The following SLC25A48 variants were observed in gnomAD, a reference collection of about 807,000 sequenced individuals.
SLC25A48 encodes the protein solute carrier family 25 member 48.
SLC25A48 carries 29 observed loss-of-function variants against 32.2 expected under a neutral mutation model. The observed-to-expected ratio is 0.90, with a 90% confidence interval of 0.67 to 1.23. The LOEUF is 1.23. Ranked by LOEUF, SLC25A48 falls within the 50% of genes most tolerant of loss-of-function variation. The pLI, the probability that SLC25A48 is intolerant of heterozygous loss-of-function variation, is 0.00. For synonymous variants in SLC25A48, 164 were observed against 172.3 expected, an observed-to-expected ratio of 0.95 and a Z score of 0.38; for missense variants, 399 against 422.7, an observed-to-expected ratio of 0.94 and a Z score of 0.49.
At chr5:135,692,209 T>G (rs1754161810) in intron 3 of SLC25A48, among the ~76,000 whole-genome samples, 1 of 151,494 alleles carries the variant, frequency 6.6e-6, no homozygotes, top group Admixed American at 6.6e-5. Flanking sequence ...TCCCACCTAC[T>G]TGGGAGGCTG....
chr5:135,693,632 C>T (rs1754197138), intron 3 of SLC25A48, among the ~76,000 whole-genome samples: 1 of 152,228 alleles, frequency 6.6e-6, no homozygotes, highest in Non-Finnish European at 1.5e-5. Context: ...GCGCTGAAGC[C>T]CTGTTACCAC....
intron 6 of SLC25A48, chr5:135,874,723 G>A (rs1761919766): frequency 2.8e-6 from 2 of 702,126 alleles, no homozygotes; most frequent in East Asian, 5.4e-5. Flanking sequence ...CAGCTCAAGA[G>A]CTTAACTTAA....
chr5:135,698,997 T>C (rs1754329347), intron 3 of SLC25A48, among the ~76,000 whole-genome samples: 1 of 152,106 alleles, frequency 6.6e-6, no homozygotes, highest in Non-Finnish European at 1.5e-5. Flanking sequence ...AAATATTAAC[T>C]CACACCCAAT....
At chr5:135,714,747 A>G (rs1754754800) in intron 3 of SLC25A48, 1 of 152,314 alleles carries the variant, frequency 6.6e-6, no homozygotes, top group South Asian at 2.1e-4. Context: ...GGGAGACAGG[A>G]AGGCCATTAT....
rs932116611 is a variant in SLC25A48, at chr5:135,852,582, G to C, written c.182G>C (p.Gly61Ala). 6.3e-7 allele frequency: 1 copy of C among 1,599,490 alleles called. No individual in the cohort carries two copies. Among genetic ancestry groups the C allele is most frequent in the Non-Finnish European group, 8.6e-7 (1 of 1,167,974 alleles). ...CTGCAGATGTTCGGCTTCTTCAAGG[G>C]CATGTCCTTCCCCCTCGCCAGCATT... ...RRESMFGFFKGMSFPLASIAV... is the reference protein window; with the variant it reads ...RRESMFGFFKAMSFPLASIAV... Residue 61 changes from glycine (G) to alanine (A), a missense_variant, in exon 4 of 8, where the codon GGC (glycine) becomes GCC (alanine). Coordinates refer to ENST00000681962, the MANE Select transcript of SLC25A48 (RefSeq NM_001349336.2).
chr5:135,676,183 T>C (rs1056204432), intron 3 of SLC25A48, among the ~76,000 whole-genome samples: 4 of 151,882 alleles, frequency 2.6e-5, no homozygotes, highest in Admixed American at 1.3e-4. Context: ...TCAGGTTTTC[T>C]ATTAATATTT....
intron 3 of SLC25A48, among the ~76,000 whole-genome samples, chr5:135,851,993 G>T (rs971552850): frequency 4.6e-5 from 7 of 152,140 alleles, no homozygotes; most frequent in African/African-American, 1.7e-4. Context: ...ACCCCTCGGG[G>T]GTCTAGGGAA....
At chr5:135,610,048 G>C (rs925542154) in intron 1 of SLC25A48, among the ~76,000 whole-genome samples, 3 of 152,116 alleles carry the variant, frequency 2.0e-5, no homozygotes, top group Non-Finnish European at 4.4e-5. Context: ...GCAAAAGCAA[G>C]ACAGGTATAT....
Position 135,681,422 on chromosome 5 carries a change from T to C in SLC25A48, c.-521+46466T>C, listed in dbSNP as rs142155539. Among the ~76,000 whole-genome samples, 429 of 152,372 alleles carry C rather than the reference T, an allele frequency of 2.8e-3. 1 individual carries two copies. Among genetic ancestry groups the C allele is most frequent in the African/African-American group, 9.4e-3 (391 of 41,584 alleles). On this transcript the variant is annotated intron_variant, in intron 3 of 10. Coordinates refer to the SLC25A48 transcript ENST00000646290. ...CATCTACAAGTTCAGTTGGGTCTTT[T>C]ATCTTACATGTCTCTCCTTGACATT... is the stretch of plus-strand genomic sequence containing the variant.
chr5:135,655,774 A>G (rs1753231484), intron 3 of SLC25A48, among the ~76,000 whole-genome samples: 1 of 152,266 alleles, frequency 6.6e-6, no homozygotes, highest in Non-Finnish European at 1.5e-5. Context: ...GAGAAATGCT[A>G]TCCACAGATT....
intron 4 of SLC25A48, chr5:135,821,567 C>A (rs893698285): frequency 1.3e-5 from 2 of 152,272 alleles, no homozygotes; most frequent in Non-Finnish European, 2.9e-5. Context: ...CACTGGCCCC[C>A]AGTCATGAAG....
chr5:135,678,538 A>G (rs1358282626), intron 3 of SLC25A48, among the ~76,000 whole-genome samples: 2 of 152,002 alleles, frequency 1.3e-5, no homozygotes, highest in Non-Finnish European at 1.5e-5. Flanking sequence ...TTTATTTTTG[A>G]TTGAGATCTG....
chr5:135,877,699 C>T (rs1398686067), intron 6 of SLC25A48, among the ~76,000 whole-genome samples: 2 of 152,108 alleles, frequency 1.3e-5, no homozygotes, highest in Non-Finnish European at 2.9e-5. Context: ...CTAATCCCAC[C>T]CCCACCTCTG....
intron 7 of SLC25A48, among the ~76,000 whole-genome samples, chr5:135,883,637 G>A (rs970286184): frequency 6.6e-6 from 1 of 152,128 alleles, no homozygotes; most frequent in African/African-American, 2.4e-5. Context: ...GCCTAAGGTC[G>A]GCAGCAGAGG....
chr5:135,814,001 A>G (rs1457442557), intron 4 of SLC25A48, among the ~76,000 whole-genome samples: 1 of 152,160 alleles, frequency 6.6e-6, no homozygotes, highest in Non-Finnish European at 1.5e-5. Flanking sequence ...TCACTCCAGG[A>G]AAGGAAACAT....
At chr5:135,598,315 T>C (rs1410135618) in intron 1 of SLC25A48, among the ~76,000 whole-genome samples, 1 of 152,216 alleles carries the variant, frequency 6.6e-6, no homozygotes, top group Non-Finnish European at 1.5e-5. Context: ...TATTGCATTA[T>C]CTCATTTAAC....
chr5:135,871,763 G>A (rs1218990865), intron 5 of SLC25A48, 45 bp downstream of exon 5: 1 of 1,602,438 alleles, frequency 6.2e-7, no homozygotes, highest in East Asian at 2.2e-5. Context: ...GCAGGCCACA[G>A]CAGTGGGACA....
At chr5:135,597,830 C>A (rs1432193219) in intron 1 of SLC25A48, among the ~76,000 whole-genome samples, 1 of 152,056 alleles carries the variant, frequency 6.6e-6, no homozygotes, top group Non-Finnish European at 1.5e-5. Context: ...ATGGTGAAAC[C>A]TTGCCTCTAC....
exon 1 of SLC25A48, chr5:135,579,304 G>A (rs1401801005): frequency 6.2e-6 from 1 of 160,066 alleles, no homozygotes; most frequent in Non-Finnish European, 1.4e-5. Context: ...CTGCCTTTGG[G>A]GAGCCCAGAC....
Sources: allele counts gnomAD v4.1 joint callset (sites outside exome capture counted in the v4.1 genomes callset), GRCh38; gene constraint gnomAD v4.1.1; transcripts MANE v1.5; gene names NCBI Gene and HGNC (gene_info 2026-07-23, HGNC 2026-07-21).